Variants in PRR14L observed in about 807,000 individuals in gnomAD.
PRR14L encodes proline rich 14 like.
In PRR14L, 80 loss-of-function variants were observed where a neutral mutation model predicts 155.0. The observed-to-expected ratio is 0.52, with a 90% CI of 0.43 to 0.62. The LOEUF (loss-of-function observed/expected upper bound fraction) is 0.62, where lower values mean the gene tolerates loss of function less well. Ranked by LOEUF, PRR14L falls within the 20% of genes least tolerant of loss-of-function variation. The pLI, the probability that PRR14L is intolerant of heterozygous loss-of-function variation, is 0.00. For synonymous variants in PRR14L, 883 were observed against 916.0 expected (o/e 0.96, Z 0.65); for missense variants, 2,469 against 2,548.0 (o/e 0.97, Z 0.67).
intron 1 of PRR14L, 123 bp from the exon 2 acceptor site, chr22:31,739,034 G>C: frequency 1.9e-6 from 1 of 525,316 alleles, no homozygotes; most frequent in East Asian, 2.9e-5. Context: ...GCATTATCTG[G>C]CACCAAAAAT....
chr22:31,721,720 A>G (rs2074691262), intron 3 of PRR14L, among the ~76,000 whole-genome samples: 1 of 152,232 alleles, frequency 6.6e-6, no homozygotes, highest in Non-Finnish European at 1.5e-5. Context: ...TACAGAAAAG[A>G]CAAATATTTA....
At chr22:31,719,777 C>T (rs1423880338) in intron 3 of PRR14L, among the ~76,000 whole-genome samples, 3 of 151,078 alleles carry the variant, frequency 2.0e-5, no homozygotes, top group African/African-American at 7.3e-5. Context: ...CGCTTTGTTG[C>T]CTAGGCTGGA....
Position 31,714,153 on chromosome 22 carries a change from G to A in PRR14L, c.3686C>T (p.Ser1229Phe), listed in dbSNP as rs1282259811. The change falls in exon 4 of 9, where the codon TCT becomes TTT. Residue 1229 changes from serine to phenylalanine, a missense_variant. Coordinates refer to ENST00000327423, the MANE Select transcript of PRR14L (RefSeq NM_173566.3). The stretch of plus-strand genomic sequence containing the variant: ...GGATTTCAGGCTTCTTAGGGAAACA[G>A]AGCTTTCATCATGGCAAGACATCGA... ...KESMSCHDES[S>F]VSLRSLKSIE... 3 of 1,551,474 alleles carry A rather than the reference G, an allele frequency of 1.9e-6. No homozygotes were observed. The highest frequency in any genetic ancestry group is 1.7e-6 in the Non-Finnish European group (2 of 1,146,978).
intron 6 of PRR14L, among the ~76,000 whole-genome samples, chr22:31,702,954 T>C (rs2074570137): frequency 6.6e-6 from 1 of 152,060 alleles, no homozygotes; most frequent in Admixed American, 6.6e-5. Context: ...TAACTGGGAC[T>C]GCAGGTGTGC....
chr22:31,703,792 TCTTCA>T, intron 5 of PRR14L, 71 bp from the exon 6 acceptor site: 1 of 976,838 alleles, frequency 1.0e-6, no homozygotes, highest in Non-Finnish European at 1.4e-6. Flanking sequence ...AACTTCTTCT[TCTTCA>T]TTTTTTTTTT....
chr22:31,707,825 T>C (rs1287612768), intron 4 of PRR14L, among the ~76,000 whole-genome samples: 1 of 152,228 alleles, frequency 6.6e-6, no homozygotes, highest in Non-Finnish European at 1.5e-5. Context: ...CGTATTTTCA[T>C]GGCTGTCTTT....
intron 2 of PRR14L, among the ~76,000 whole-genome samples, chr22:31,726,717 G>A (rs929239340): frequency 6.6e-6 from 1 of 152,164 alleles, no homozygotes; most frequent in African/African-American, 2.4e-5. Context: ...AAAAGGGAGA[G>A]TGCCTGAGTT....
At chr22:31,694,538 G>A (rs2074525620) in intron 7 of PRR14L, among the ~76,000 whole-genome samples, 1 of 151,978 alleles carries the variant, frequency 6.6e-6, no homozygotes, top group African/African-American at 2.4e-5. Flanking sequence ...ATGAGGTCAG[G>A]AGATCGAGAC....
intron 3 of PRR14L, among the ~76,000 whole-genome samples, chr22:31,718,133 G>T (rs943823846): frequency 2.6e-5 from 4 of 151,812 alleles, no homozygotes; most frequent in African/African-American, 9.7e-5. Flanking sequence ...TCACCATGTT[G>T]GCCAGGCTGG....
rs1171561918 is a variant in PRR14L, at chr22:31,703,584, G to A, written c.5966C>T (p.Pro1989Leu). The A allele has an allele frequency of 3.7e-6, 6 of 1,613,664 alleles. No individual in the cohort carries two copies. Among genetic ancestry groups the A allele is most frequent in the Non-Finnish European group, 4.2e-6 (5 of 1,179,852 alleles). ...TTCTGGGGGGCTGCTCTGTGGGCAG[G>A]GGCATGCTGCTTTCACACCATCCAG... ...DELDGVKAAC[P>L]CPQSSPPEQK... The change falls in exon 6 of 9, where the codon CCC (proline) becomes CTC (leucine). Residue 1989 changes from proline to leucine, a missense_variant. Coordinates refer to ENST00000327423, the MANE Select transcript of PRR14L (RefSeq NM_173566.3).
intron 7 of PRR14L, among the ~76,000 whole-genome samples, chr22:31,693,227 A>G (rs763135055): frequency 2.6e-5 from 4 of 151,968 alleles, no homozygotes; most frequent in Non-Finnish European, 5.9e-5. Context: ...TGCCCTACAT[A>G]CCCTCTGTGC....
rs16989400 is a variant in PRR14L at position 31,683,299 on chromosome 22, G to A, written c.*2228C>T. 1,324 of 152,340 alleles carry A rather than the reference G, an allele frequency of 8.7e-3. 17 individuals carry two copies. The highest frequency in any genetic ancestry group is 0.029 in the African/African-American group (1,210 of 41,544). 9.4% of individuals were successfully genotyped at this position (152,340 alleles called of 1,614,324 possible). ...ACTGTTGTCTCTGGGAAACATAGCC[G>A]CCACATCACTGCATCTATACTGGCA... On this transcript the variant is annotated 3_prime_UTR_variant, in exon 9 of 9. Transcript: ENST00000327423.
chr22:31,746,418 G>A (rs2074838007), intron 1 of PRR14L, among the ~76,000 whole-genome samples: 1 of 152,172 alleles, frequency 6.6e-6, no homozygotes, highest in South Asian at 2.1e-4. Context: ...AGTGTTAAAT[G>A]TGAAGTAAAA....
intron 2 of PRR14L, among the ~76,000 whole-genome samples, chr22:31,735,688 C>T (rs1244396786): frequency 6.6e-6 from 1 of 150,888 alleles, no homozygotes; most frequent in Admixed American, 6.6e-5. Context: ...CAGCCCACCA[C>T]ATCAAGAAGT....
intron 2 of PRR14L, among the ~76,000 whole-genome samples, chr22:31,727,037 C>A (rs2074719907): frequency 1.3e-5 from 2 of 152,154 alleles, no homozygotes; most frequent in Admixed American, 6.6e-5. Context: ...GACATACAGG[C>A]TCCTTCAGAT....
intron 1 of PRR14L, among the ~76,000 whole-genome samples, chr22:31,746,954 G>A (rs1489100692): frequency 1.3e-5 from 2 of 151,786 alleles, no homozygotes; most frequent in African/African-American, 2.4e-5. Context: ...CCGCCACCAC[G>A]CCTGGCTAAT....
chr22:31,724,734 C>G (rs148165142), intron 3 of PRR14L, among the ~76,000 whole-genome samples: 346 of 152,284 alleles, frequency 2.3e-3, no homozygotes, highest in Non-Finnish European at 4.2e-3. Context: ...ATAGACCTCT[C>G]TAAAGTAATC....
At chr22:31,720,251 C>T (rs2074682815) in intron 3 of PRR14L, among the ~76,000 whole-genome samples, 1 of 152,160 alleles carries the variant, frequency 6.6e-6, no homozygotes, top group Admixed American at 6.5e-5. Flanking sequence ...AGGCTAGACA[C>T]AGCGTTTTAA....
In PRR14L at chr22:31,685,533, G is replaced by C; in HGVS notation, c.6450C>G (p.Gly2150=). 6.5e-7 allele frequency: 1 copy of C among 1,548,258 alleles called. No individual in the cohort carries two copies. Among genetic ancestry groups the C allele is most frequent in the Non-Finnish European group, 8.7e-7 (1 of 1,144,622 alleles). Residue 2150 remains glycine (G), a synonymous_variant, in exon 9 of 9, where the codon GGC becomes GGG. Coordinates refer to ENST00000327423, the MANE Select transcript of PRR14L (RefSeq NM_173566.3). ...CCTCAAACTGAATCGCTTCTCAACA[G>C]CCTGATGATTGTTCCTGCTCCTCTT... is the stretch of plus-strand genomic sequence containing the variant. The part of the protein sequence containing the change: ...AKEEEQEQSS[G]C
Sources: gnomAD v4.1 joint callset for allele counts (sites outside exome capture counted in the v4.1 genomes callset) on GRCh38, gnomAD v4.1.1 for gene constraint, MANE v1.5 for transcripts, NCBI Gene and HGNC (gene_info 2026-07-23, HGNC 2026-07-21) for gene names.